KANSL1L: variants seen among roughly 807,000 people sequenced by gnomAD.
KANSL1L encodes the protein KAT8 regulatory NSL complex subunit 1-like protein.
KANSL1L carries 25 observed loss-of-function variants against 108.6 expected under a neutral mutation model. The ratio of observed to expected loss-of-function variants is 0.23; its 90% CI spans 0.17 to 0.32. The LOEUF (loss-of-function observed/expected upper bound fraction) is 0.32, where lower values mean the gene tolerates loss of function less well. KANSL1L is among the 10% of genes least tolerant of loss of function. The pLI is 1.00. For missense variants in KANSL1L, 1,137 were observed against 1,125.7 expected (o/e 1.01, Z -0.14); for synonymous variants, 405 against 395.1 (o/e 1.03, Z -0.30).
At chr2:210,169,819 A>T (rs1688223479) in intron 1 of KANSL1L, among the ~76,000 whole-genome samples, 2 of 152,246 alleles carry the variant, frequency 1.3e-5, no homozygotes, top group African/African-American at 4.8e-5. Context: ...TTCATGATTA[A>T]TTCATTGTTT....
intron 1 of KANSL1L, among the ~76,000 whole-genome samples, chr2:210,161,586 T>TA (rs2125672902): frequency 6.6e-6 from 1 of 152,228 alleles, no homozygotes; most frequent in Admixed American, 6.5e-5. Context: ...TCCTAAAAAT[T>TA]AAATACTAAA....
intron 4 of KANSL1L, among the ~76,000 whole-genome samples, chr2:210,098,583 CCACA>C (rs1264891687): frequency 6.6e-6 from 1 of 151,956 alleles, no homozygotes; most frequent in Non-Finnish European, 1.5e-5. Context: ...ATATTAGGCA[CCACA>C]CATAGAATAT....
chr2:210,067,502 AGCCTGG>A lies in KANSL1L; in HGVS notation c.1755+8044_1755+8049del. 1.3e-5 allele frequency among the ~76,000 whole-genome samples: 2 copies of A among 152,176 alleles called. 1 individual carries two copies. Among genetic ancestry groups the A allele is most frequent in the Middle Eastern group, 6.8e-3 (2 of 294 alleles). On this transcript the variant is annotated intron_variant, in intron 6 of 14. Transcript: ENST00000281772. ...TACTTGAGCTCAGAAGTTTGAGACC[AGCCTGG>A]GCAATATGACGAAACCCCATCTCTG...
intron 6 of KANSL1L, among the ~76,000 whole-genome samples, chr2:210,068,491 A>G (rs1339601113): frequency 6.6e-6 from 1 of 152,136 alleles, no homozygotes; most frequent in African/African-American, 2.4e-5. Context: ...CTGATTAGTG[A>G]TATTTGTATC....
rs866040542 is a variant in KANSL1L, at chr2:210,145,777, G to A, written c.1088+7718C>T. On this transcript the variant is annotated intron_variant, in intron 2 of 14. Transcript: ENST00000281772. ...CATAGCAAAGCAACCTGGGCTCCAA[G>A]GCTTGGGTTGAGGCTAGTCCACAGC... 2.0e-5 allele frequency among the ~76,000 whole-genome samples: 3 copies of A among 152,304 alleles called. No homozygotes were observed. In the South Asian group the frequency reaches 6.2e-4, roughly 32 times the overall value.
At chr2:210,111,184 T>G (rs759152933) in intron 3 of KANSL1L, among the ~76,000 whole-genome samples, 5 of 150,570 alleles carry the variant, frequency 3.3e-5, no homozygotes, top group Non-Finnish European at 5.9e-5. Context: ...CTAAAACTTA[T>G]AGATGAATAT....
chr2:210,107,489 T>C (rs1464117023), intron 3 of KANSL1L, among the ~76,000 whole-genome samples: 2 of 148,956 alleles, frequency 1.3e-5, no homozygotes, highest in South Asian at 2.1e-4. Flanking sequence ...AGGATGTTGC[T>C]AATAACTGCT....
chr2:210,055,591 T>C (rs990304318), intron 6 of KANSL1L, among the ~76,000 whole-genome samples: 5 of 152,150 alleles, frequency 3.3e-5, no homozygotes, highest in African/African-American at 4.8e-5. Flanking sequence ...AAAATGCTGA[T>C]AGAGATATGG....
At chr2:210,058,115 T>C (rs964601020) in intron 6 of KANSL1L, among the ~76,000 whole-genome samples, 3 of 152,278 alleles carry the variant, frequency 2.0e-5, no homozygotes, top group Admixed American at 2.0e-4. Context: ...GGGAGAAATA[T>C]CGCTGAATTC....
chr2:210,074,778 T>C (rs1386792144), intron 6 of KANSL1L, among the ~76,000 whole-genome samples: 1 of 152,244 alleles, frequency 6.6e-6, no homozygotes, highest in Non-Finnish European at 1.5e-5. Flanking sequence ...AATAAACATA[T>C]TTAAATAGAT....
At chr2:210,107,968 T>G (rs942674587) in intron 3 of KANSL1L, among the ~76,000 whole-genome samples, 1 of 152,222 alleles carries the variant, frequency 6.6e-6, no homozygotes, top group Non-Finnish European at 1.5e-5. Context: ...TCTCAATCTC[T>G]TTCCTTTCCC....
chr2:210,104,441 A>G (rs752480495), intron 3 of KANSL1L, 140 bp from the exon 4 acceptor site: 2 of 634,230 alleles, frequency 3.2e-6, no homozygotes, highest in African/African-American at 1.8e-5. Context: ...TTAACTCTGT[A>G]AAGAACTGGC....
intron 6 of KANSL1L, among the ~76,000 whole-genome samples, chr2:210,073,806 C>G (rs957698158): frequency 1.3e-5 from 2 of 150,112 alleles, no homozygotes; most frequent in South Asian, 2.1e-4. Context: ...CACACACACA[C>G]AGTTCCAATT....
At chr2:210,034,208 G>A (rs891300880) in intron 8 of KANSL1L, among the ~76,000 whole-genome samples, 15 of 152,182 alleles carry the variant, frequency 9.9e-5, no homozygotes, top group African/African-American at 3.4e-4. Flanking sequence ...GTTTACAGGT[G>A]TTAAGGAATG....
chr2:210,127,798 C>CA (rs55979027), intron 3 of KANSL1L, among the ~76,000 whole-genome samples: 5,410 of 28,144 alleles, frequency 0.19, 1,151 homozygotes, highest in South Asian at 0.23. Context: ...GACTCTGCCT[C>CA]AAAAAAAAAA....
chr2:210,036,064 G>C (rs769276857), intron 8 of KANSL1L, among the ~76,000 whole-genome samples: 1 of 152,120 alleles, frequency 6.6e-6, no homozygotes, highest in Non-Finnish European at 1.5e-5. Context: ...TTAAGTAGTC[G>C]AAGCTGCACT....
At chr2:210,078,919 T>A (rs1034390694) in intron 5 of KANSL1L, among the ~76,000 whole-genome samples, 10 of 151,458 alleles carry the variant, frequency 6.6e-5, no homozygotes, top group Non-Finnish European at 1.3e-4. Context: ...GACATTCTTT[T>A]AAAAAAAAAT....
At chr2:210,118,366 G>T (rs897711602) in intron 3 of KANSL1L, among the ~76,000 whole-genome samples, 1 of 150,658 alleles carries the variant, frequency 6.6e-6, no homozygotes, top group African/African-American at 2.4e-5. Context: ...TACTCGGGAG[G>T]CTGAGGCAGG....
intron 11 of KANSL1L, among the ~76,000 whole-genome samples, chr2:210,027,664 GAAA>G (rs376252298): frequency 0.05 from 7,579 of 152,058 alleles, 293 homozygotes; most frequent in Middle Eastern, 0.2. Context: ...AACAGAGAAG[GAAA>G]AAAACCCTGG....
Sources: allele counts gnomAD v4.1 joint callset (sites outside exome capture counted in the v4.1 genomes callset), GRCh38; gene constraint gnomAD v4.1.1; transcripts MANE v1.5; gene names NCBI Gene and HGNC (gene_info 2026-07-23, HGNC 2026-07-21).